Variants in LRRK2 observed in about 807,000 individuals in gnomAD.
The protein encoded by LRRK2 is leucine rich repeat kinase 2.
In LRRK2, 203 loss-of-function variants were observed where a neutral mutation model predicts 302.6. The observed-to-expected ratio is 0.67, with a 90% CI of 0.60 to 0.75. The LOEUF is 0.75. Among genes scored for constraint, LRRK2 ranks in the 30% least tolerant of loss-of-function variants. LRRK2 has a pLI of 0.00. For synonymous variants in LRRK2, 1,066 were observed against 1,031.9 expected, an observed-to-expected ratio of 1.03 and a Z score of -0.63; for missense variants, 2,830 against 2,951.0, an observed-to-expected ratio of 0.96 and a Z score of 0.95.
chr12:40,315,353 G>C, intron 33 of LRRK2, 53 bp downstream of exon 33: 1 of 1,412,954 alleles, frequency 7.1e-7, no homozygotes, highest in Admixed American at 1.7e-5. Flanking sequence ...GCATAGAACA[G>C]ATGGCGCCCA....
chr12:40,261,751 A>G (rs907761181), intron 13 of LRRK2, among the ~76,000 whole-genome samples: 1 of 152,134 alleles, frequency 6.6e-6, no homozygotes, highest in East Asian at 1.9e-4. Flanking sequence ...CTAGGTGTAC[A>G]TGTATTCATT....
chr12:40,261,633 G>A (rs1942781086), intron 13 of LRRK2, among the ~76,000 whole-genome samples: 1 of 152,004 alleles, frequency 6.6e-6, no homozygotes, highest in South Asian at 2.1e-4. Flanking sequence ...GTGCAGTACC[G>A]TATCATTCTA....
At chr12:40,289,156 T>C (rs375988452) in intron 20 of LRRK2, among the ~76,000 whole-genome samples, 24 of 151,826 alleles carry the variant, frequency 1.6e-4, no homozygotes, top group Middle Eastern at 3.4e-3. Context: ...ACATTACTTG[T>C]TGAAAATATT....
intron 20 of LRRK2, among the ~76,000 whole-genome samples, chr12:40,291,437 T>C (rs1242390111): frequency 2.0e-5 from 3 of 149,732 alleles, no homozygotes; most frequent in Non-Finnish European, 4.4e-5. Flanking sequence ...ATAAAATATA[T>C]ATATATATAT....
rs1478114846 is a variant in LRRK2 at position 40,257,323 on chromosome 12, C to T, written c.1364C>T (p.Ser455Phe). 3 of 1,612,066 alleles carry T rather than the reference C, an allele frequency of 1.9e-6. No homozygotes were observed. The African/African-American group carries it at 4.0e-5, about 22-fold the overall frequency. Residue 455 changes from serine to phenylalanine, a missense_variant, in exon 12 of 51, where the codon TCT becomes TTT. Coordinates refer to ENST00000298910, the MANE Select transcript of LRRK2 (RefSeq NM_198578.4). Reference sequence around the variant, plus strand: ...GAGTTAATGCAGAAGCATATACATTCTCCTGAAGTGGCTGAAAGTGGCTGT... The same window carrying T: ...GAGTTAATGCAGAAGCATATACATTTTCCTGAAGTGGCTGAAAGTGGCTGT... The part of the protein sequence containing the change: ...VLELMQKHIH[S>F]PEVAESGCKM...
intron 50 of LRRK2, 160 bp from the exon 51 acceptor site, chr12:40,367,484 G>T: frequency 1.8e-6 from 1 of 558,568 alleles, no homozygotes; most frequent in Non-Finnish European, 2.9e-6. Flanking sequence ...ACTTTTCCAA[G>T]TATAGTTTTT....
At position 40,277,933 on chromosome 12, in the gene LRRK2, T is replaced by C. The variant is rs78154388; in HGVS notation, c.1987T>C (p.Ser663Pro). The C allele has an allele frequency of 4.6e-5, 74 of 1,612,270 alleles. No homozygotes were observed. The highest frequency in any genetic ancestry group is 5.8e-5 in the Non-Finnish European group (69 of 1,179,618). ...AATCCTCAAATTGTCAGCATCTTTTTCTAAGCTGCTGGTGCATCATTCATT... is the reference window on the plus strand; with the variant it reads ...AATCCTCAAATTGTCAGCATCTTTTCCTAAGCTGCTGGTGCATCATTCATT... ...LAILKLSASF[S>P]KLLVHHSFDL... The change falls in exon 17 of 51, where the codon TCT becomes CCT. Residue 663 changes from serine (S) to proline (P), a missense_variant. By Grantham distance (74) the Ser-to-Pro change is moderately conservative (BLOSUM62 -1). Around this residue, in one of 3 missense-constraint regions of LRRK2, gnomAD observed 2,121 missense variants for 2,148.0 expected, o/e 0.99. Transcript: ENST00000298910.
chr12:40,292,545 A>C (rs933938852), intron 20 of LRRK2, among the ~76,000 whole-genome samples: 8 of 151,704 alleles, frequency 5.3e-5, no homozygotes, highest in African/African-American at 1.7e-4. Flanking sequence ...TGTAATTGTT[A>C]CTAAATTATA....
chr12:40,240,882 G>A (rs1941690922), intron 6 of LRRK2, among the ~76,000 whole-genome samples: 1 of 152,190 alleles, frequency 6.6e-6, no homozygotes, highest in African/African-American at 2.4e-5. Context: ...ACACAGATAA[G>A]TACAGAGGTG....
intron 47 of LRRK2, among the ~76,000 whole-genome samples, chr12:40,362,029 CAT>C (rs1946725004): frequency 6.6e-6 from 1 of 152,002 alleles, no homozygotes; most frequent in South Asian, 2.1e-4. Context: ...AGCATTTGTA[CAT>C]GTTTCTTTCT....
intron 23 of LRRK2, 119 bp downstream of exon 23, chr12:40,295,763 G>T (rs116009028): frequency 2.1e-6 from 2 of 936,106 alleles, no homozygotes; most frequent in Non-Finnish European, 3.2e-6. Context: ...TGGGTGATAA[G>T]TCCCCCGTGC....
At chr12:40,300,927 A>G in intron 25 of LRRK2, 1 of 470,978 alleles carries the variant, frequency 2.1e-6, no homozygotes, top group Non-Finnish European at 4.4e-6. Context: ...ATCCAAAAGG[A>G]CCTTGAAGCT....
intron 6 of LRRK2, among the ~76,000 whole-genome samples, chr12:40,241,154 A>G (rs1443997483): frequency 2.0e-5 from 3 of 152,206 alleles, no homozygotes; most frequent in East Asian, 3.9e-4. Context: ...GTGTGCGTGC[A>G]TGCATGCGTG....
chr12:40,289,537 AATAC>A (rs1305141044), intron 20 of LRRK2, among the ~76,000 whole-genome samples: 5 of 148,932 alleles, frequency 3.4e-5, no homozygotes, highest in African/African-American at 4.9e-5. Context: ...ATATATAATT[AATAC>A]ATAAATAATA....
At position 40,295,566 on chromosome 12, in the gene LRRK2, A is replaced by G. The variant is rs113217062; in HGVS notation, c.3018A>G (p.Ile1006Met). Reference protein sequence around the residue: ...DIDALSQKCCISVHLEHLEKL... With the variant: ...DIDALSQKCCMSVHLEHLEKL... ...ATGCCCTAAGCCAGAAATGCTGTAT[A>G]AGTGTTCATTTGGAGCATCTTGAAA... The change falls in exon 23 of 51, where the codon ATA becomes ATG. Residue 1006 changes from isoleucine to methionine, a missense_variant. Transcript: ENST00000298910. 25 of 1,613,952 alleles carry G rather than the reference A, an allele frequency of 1.5e-5. No individual in the cohort carries two copies. The highest frequency in any genetic ancestry group is 2.5e-6 in the Non-Finnish European group (3 of 1,179,998).
intron 34 of LRRK2, 83 bp downstream of exon 34, chr12:40,320,258 A>G (rs1945359888): frequency 9.3e-7 from 1 of 1,076,234 alleles, no homozygotes; most frequent in South Asian, 1.4e-5. Context: ...GTAGTCTATA[A>G]TAGATGTATT....
Position 40,298,362 on chromosome 12 carries a change from C to T in LRRK2, c.3216C>T (p.Pro1072=). The T allele has an allele frequency of 6.2e-7, 1 of 1,613,888 alleles. No individual in the cohort carries two copies. The highest frequency in any genetic ancestry group is 1.3e-5 in the African/African-American group (1 of 74,972). The change falls in exon 24 of 51, where the codon CCC becomes CCT. Residue 1072 remains proline (P), a synonymous_variant. Transcript: ENST00000298910. ...NLDVSRNDIG[P]SVVLDPTVKC... is the part of the protein sequence containing the mutation. ...ATGTCTCTCGAAATGACATTGGACCCTCAGTGGTTTTAGATCCTACAGTGA... is the reference window on the plus strand; with the variant it reads ...ATGTCTCTCGAAATGACATTGGACCTTCAGTGGTTTTAGATCCTACAGTGA...
chr12:40,282,735 G>C (rs1471715712), intron 18 of LRRK2, among the ~76,000 whole-genome samples: 1 of 152,068 alleles, frequency 6.6e-6, no homozygotes, highest in Non-Finnish European at 1.5e-5. Flanking sequence ...GCATTTAATT[G>C]GTGCCTTCCA....
chr12:40,363,694 C>T (rs1237278862), intron 48 of LRRK2, 140 bp downstream of exon 48: 17 of 851,892 alleles, frequency 2.0e-5, no homozygotes, highest in Non-Finnish European at 3.1e-5. Context: ...TAATGCTTCT[C>T]AGCACCATCT....
Sources: allele counts gnomAD v4.1 joint callset (sites outside exome capture counted in the v4.1 genomes callset), GRCh38; gene constraint gnomAD v4.1.1; regional missense constraint gnomAD v4.1.1; transcripts MANE v1.5; gene names NCBI Gene and HGNC (gene_info 2026-07-23, HGNC 2026-07-21).